The following CNTN5 variants were observed in gnomAD, a reference collection of about 807,000 sequenced individuals.
CNTN5 encodes the protein contactin 5.
A neutral mutation model predicts 129.1 loss-of-function variants in CNTN5; 77 were observed. That is an observed-to-expected ratio of 0.60 (90% CI 0.50 to 0.72). The LOEUF (loss-of-function observed/expected upper bound fraction) is 0.72. Ranked by LOEUF, CNTN5 falls within the 30% of genes least tolerant of loss-of-function variation. CNTN5 has a pLI of 0.00. For synonymous variants in CNTN5, 509 were observed against 465.6 expected, an observed-to-expected ratio of 1.09 and a Z score of -1.20; for missense variants, 1,478 against 1,328.8, an observed-to-expected ratio of 1.11 and a Z score of -1.75.
intron 3 of CNTN5, among the ~76,000 whole-genome samples, chr11:99,693,670 AAAAC>A (rs1253390556): frequency 2.0e-5 from 3 of 152,146 alleles, no homozygotes; most frequent in African/African-American, 4.8e-5. Flanking sequence ...GTTGACAAGA[AAAAC>A]AAATTTTATT....
At chr11:99,282,851 G>A (rs868291310) in intron 1 of CNTN5, among the ~76,000 whole-genome samples, 8 of 152,084 alleles carry the variant, frequency 5.3e-5, no homozygotes, top group Admixed American at 1.3e-4. Flanking sequence ...CTGGGAGTCA[G>A]CATCTGTGGA....
At chr11:99,115,835 G>A (rs556708119) in intron 1 of CNTN5, among the ~76,000 whole-genome samples, 1 of 152,126 alleles carries the variant, frequency 6.6e-6, no homozygotes, top group East Asian at 1.9e-4. Flanking sequence ...AGAGTGAGAA[G>A]CAAAGAAAGG....
chr11:99,809,387 G>A (rs574732715), intron 3 of CNTN5, among the ~76,000 whole-genome samples: 2 of 152,084 alleles, frequency 1.3e-5, no homozygotes, highest in African/African-American at 4.8e-5. Flanking sequence ...GGCAAAGATT[G>A]TATGTTTTAT....
chr11:99,217,318 T>C lies in CNTN5; in HGVS notation c.-209-108028T>C, dbSNP rs1860179885. Among the ~76,000 whole-genome samples the C allele has an allele frequency of 2.0e-5, 3 of 152,198 alleles. No individual in the cohort carries two copies. The South Asian group carries it at 6.2e-4, about 32-fold the overall frequency. ...AGAAGACACACAGATGGCCAACAGT[T>C]ATATGTAAAAACTGTCAACATTACT... On this transcript the variant is annotated intron_variant, in intron 1 of 24. Coordinates refer to ENST00000524871, the MANE Select transcript of CNTN5 (RefSeq NM_014361.4).
intron 9 of CNTN5, among the ~76,000 whole-genome samples, chr11:100,009,871 T>C (rs1417643003): frequency 3.3e-5 from 5 of 152,164 alleles, no homozygotes; most frequent in Middle Eastern, 3.2e-3. Context: ...AAGGATAGAA[T>C]CAGGCAGACT....
intron 3 of CNTN5, among the ~76,000 whole-genome samples, chr11:99,740,344 T>C (rs1482757908): frequency 6.6e-6 from 1 of 152,148 alleles, no homozygotes; most frequent in Non-Finnish European, 1.5e-5. Flanking sequence ...AATTTACTCA[T>C]CTTAATAATT....
intron 3 of CNTN5, among the ~76,000 whole-genome samples, chr11:99,796,866 C>G (rs1262277632): frequency 6.6e-6 from 1 of 152,084 alleles, no homozygotes; most frequent in African/African-American, 2.4e-5. Context: ...GCAGCTCTCC[C>G]TGACAACTCA....
chr11:99,693,999 C>T (rs1470430314), intron 3 of CNTN5, among the ~76,000 whole-genome samples: 8 of 151,620 alleles, frequency 5.3e-5, no homozygotes, highest in Admixed American at 1.3e-4. Flanking sequence ...TGAGATCAGA[C>T]GGGTGATTCA....
intron 3 of CNTN5, among the ~76,000 whole-genome samples, chr11:99,575,810 G>T (rs1423778580): frequency 2.6e-5 from 4 of 152,126 alleles, no homozygotes; most frequent in Non-Finnish European, 5.9e-5. Flanking sequence ...AAAGAGGAAG[G>T]TAGTCTCCCC....
chr11:99,599,598 G>A (rs1244182480), intron 3 of CNTN5, among the ~76,000 whole-genome samples: 1 of 152,052 alleles, frequency 6.6e-6, no homozygotes, highest in Non-Finnish European at 1.5e-5. Flanking sequence ...CTAATTATAT[G>A]TAAAACATTT....
intron 3 of CNTN5, among the ~76,000 whole-genome samples, chr11:99,739,808 T>TA (rs1370931459): frequency 2.6e-5 from 4 of 152,146 alleles, no homozygotes; most frequent in African/African-American, 9.7e-5. Context: ...TGACATACAG[T>TA]ATGCACTGAA....
chr11:99,724,904 G>C (rs997430078), intron 3 of CNTN5, among the ~76,000 whole-genome samples: 11 of 152,098 alleles, frequency 7.2e-5, no homozygotes, highest in African/African-American at 2.7e-4. Flanking sequence ...ACTCAGTAAG[G>C]CTAATTGTAT....
At chr11:99,123,559 T>C (rs1050147170) in intron 1 of CNTN5, among the ~76,000 whole-genome samples, 60 of 152,044 alleles carry the variant, frequency 3.9e-4, no homozygotes, top group African/African-American at 1.4e-3. Flanking sequence ...TAATTGCCAA[T>C]TTTTCTTTTT....
At chr11:99,833,839 C>G (rs944555610) in intron 4 of CNTN5, among the ~76,000 whole-genome samples, 1 of 152,142 alleles carries the variant, frequency 6.6e-6, no homozygotes, top group African/African-American at 2.4e-5. Context: ...GTTTCTTGCT[C>G]TAGCTCAGTG....
At chr11:99,984,482 G>GTGATGGTGAT (rs1313091883) in intron 8 of CNTN5, among the ~76,000 whole-genome samples, 2 of 151,998 alleles carry the variant, frequency 1.3e-5, no homozygotes, top group African/African-American at 4.8e-5. Flanking sequence ...TTCTGTTGTG[G>GTGATGGTGAT]TGATGGTGAT....
intron 21 of CNTN5, among the ~76,000 whole-genome samples, chr11:100,322,292 A>G (rs1004717529): frequency 2.0e-5 from 3 of 151,106 alleles, no homozygotes; most frequent in Non-Finnish European, 2.9e-5. Context: ...GCGCGATCTC[A>G]GCTCACTGCA....
intron 9 of CNTN5, among the ~76,000 whole-genome samples, chr11:100,009,529 A>C (rs900478563): frequency 6.6e-6 from 1 of 152,094 alleles, no homozygotes; most frequent in Non-Finnish European, 1.5e-5. Context: ...TTATCAAGAG[A>C]TTGCTCACAA....
intron 1 of CNTN5, among the ~76,000 whole-genome samples, chr11:99,030,955 T>C (rs1344930426): frequency 2.0e-5 from 3 of 150,546 alleles, no homozygotes; most frequent in African/African-American, 7.3e-5. Context: ...TAATTTTTAT[T>C]TTTATTTTTA....
chr11:99,984,767 A>G (rs7112112), intron 8 of CNTN5, among the ~76,000 whole-genome samples: 48,947 of 152,092 alleles, frequency 0.32, 8,431 homozygotes, highest in African/African-American at 0.43. Flanking sequence ...GGAATGTTGC[A>G]TGCATAAATG....
Sources: gnomAD v4.1 joint callset for allele counts (sites outside exome capture counted in the v4.1 genomes callset) on GRCh38, gnomAD v4.1.1 for gene constraint, MANE v1.5 for transcripts, NCBI Gene and HGNC (gene_info 2026-07-23, HGNC 2026-07-21) for gene names.